The following ARID4B variants were observed in gnomAD, a reference collection of about 807,000 sequenced individuals.
The protein encoded by ARID4B is AT-rich interaction domain 4B, also known as AT-rich interactive domain-containing protein 4B.
ARID4B carries 26 observed loss-of-function variants against 147.5 expected under a neutral mutation model. The ratio of observed to expected loss-of-function variants is 0.18; its 90% CI spans 0.13 to 0.24. ARID4B has a LOEUF of 0.24. Among genes scored for constraint, ARID4B ranks in the 10% least tolerant of loss-of-function variants. The pLI is 1.00. For synonymous variants in ARID4B, 512 were observed against 507.9 expected (o/e 1.01, Z -0.11); for missense variants, 1,179 against 1,511.5 (o/e 0.78, Z 3.65).
At chr1:235,226,911 C>T (rs946647977) in intron 11 of ARID4B, among the ~76,000 whole-genome samples, 4 of 151,902 alleles carry the variant, frequency 2.6e-5, no homozygotes, top group African/African-American at 4.8e-5. Context: ...TCAGGTGATC[C>T]GCTAGCGTCA....
chr1:235,319,052 G>A (rs1001023290), intron 2 of ARID4B, among the ~76,000 whole-genome samples: 2 of 152,184 alleles, frequency 1.3e-5, no homozygotes, highest in East Asian at 1.9e-4. Context: ...TACTCAGGAA[G>A]TTGAGGGGGA....
chr1:235,272,036 G>T (rs1466952279), intron 2 of ARID4B, among the ~76,000 whole-genome samples: 1 of 152,064 alleles, frequency 6.6e-6, no homozygotes, highest in Non-Finnish European at 1.5e-5. Context: ...ATATGATTTT[G>T]AAAGACGTCA....
In ARID4B at chr1:235,194,052, T is replaced by C. The variant is rs1426836511; in HGVS notation, c.2086A>G (p.Lys696Glu). Reference sequence around the variant, plus strand: ...AGGATCGAAGTAATTTCTATGGACTTAATATGAGCAGTATCAGAGTTTTTG... The same window carrying C: ...AGGATCGAAGTAATTTCTATGGACTCAATATGAGCAGTATCAGAGTTTTTG... ...DAKNSDTAHIKSIEITSILNG... is the reference protein window; with the variant it reads ...DAKNSDTAHIESIEITSILNG... Residue 696 changes from lysine to glutamate, a missense_variant, in exon 19 of 24, where the codon AAG becomes GAG. By Grantham distance (56) the Lys-to-Glu change is moderately conservative. Coordinates refer to ENST00000264183, the MANE Select transcript of ARID4B (RefSeq NM_016374.6). 1 of 1,611,926 alleles carries C rather than the reference T, an allele frequency of 6.2e-7. No homozygotes were observed. The highest frequency in any genetic ancestry group is 1.7e-5 in the Admixed American group (1 of 59,982).
intron 19 of ARID4B, among the ~76,000 whole-genome samples, chr1:235,193,412 A>G (rs1665263007): frequency 6.6e-6 from 1 of 152,240 alleles, no homozygotes; most frequent in Non-Finnish European, 1.5e-5. Flanking sequence ...AACAGAGATC[A>G]TAATAGTCAT....
chr1:235,258,937 A>G (rs188321930), intron 3 of ARID4B, among the ~76,000 whole-genome samples: 31 of 152,352 alleles, frequency 2.0e-4, no homozygotes, highest in South Asian at 8.3e-4. Context: ...ATATCAACAA[A>G]TTTGTTAAAA....
chr1:235,308,350 G>A (rs891137676), intron 2 of ARID4B, among the ~76,000 whole-genome samples: 2 of 151,332 alleles, frequency 1.3e-5, no homozygotes, highest in Non-Finnish European at 2.9e-5. Context: ...CAAGTGATTC[G>A]CCCACCTTGG....
chr1:235,296,478 CTCTT>C (rs1477531643), intron 2 of ARID4B: 1 of 116,342 alleles, frequency 8.6e-6, no homozygotes, highest in Non-Finnish European at 1.9e-5. Context: ...ATTTATTCTT[CTCTT>C]TTTTTTTGAG....
intron 2 of ARID4B, among the ~76,000 whole-genome samples, chr1:235,323,005 A>G (rs1025911287): frequency 6.6e-6 from 1 of 152,068 alleles, no homozygotes; most frequent in Non-Finnish European, 1.5e-5. Context: ...GTACATCTGG[A>G]AAATTCAATC....
rs751317423 is a variant in ARID4B, at chr1:235,219,804, T to G, written c.1572A>C (p.Lys524Asn). 1 of 1,597,022 alleles carries G rather than the reference T, an allele frequency of 6.3e-7. No individual in the cohort carries two copies. The highest frequency in any genetic ancestry group is 2.2e-5 in the East Asian group (1 of 44,534). ...AACAATTTTCTTACCCAGATTTTGC[T>G]TTTTCTTCCTCAGCTTCTACCTTTA... ...LNIKVEAEEEKAKSGDETNKE... is the reference protein window; with the variant it reads ...LNIKVEAEEENAKSGDETNKE... The change falls in exon 16 of 24, where the codon AAA becomes AAC. Residue 524 changes from lysine to asparagine, a missense_variant. Lys to Asn is a moderately conservative substitution (Grantham distance 94). Around this residue, in one of 10 missense-constraint regions of ARID4B, gnomAD observed 204 missense variants for 210.9 expected, o/e 0.97. Coordinates refer to ENST00000264183, the MANE Select transcript of ARID4B (RefSeq NM_016374.6).
At chr1:235,203,663 A>G (rs1312058015) in intron 17 of ARID4B, among the ~76,000 whole-genome samples, 2 of 152,174 alleles carry the variant, frequency 1.3e-5, no homozygotes, top group Non-Finnish European at 2.9e-5. Context: ...ATAATCAAAA[A>G]AGTTAATGTA....
At chr1:235,325,481 C>T (rs540713494) in intron 2 of ARID4B, among the ~76,000 whole-genome samples, 147 of 152,244 alleles carry the variant, frequency 9.7e-4, no homozygotes, top group African/African-American at 3.2e-3. Context: ...ACAAGCACTA[C>T]AACACTGGGA....
chr1:235,196,004 T>TAGTG (rs758507060), intron 18 of ARID4B, 27 bp downstream of exon 18: 2 of 1,383,578 alleles, frequency 1.4e-6, no homozygotes, highest in Non-Finnish European at 2.0e-6. Context: ...TAAGAGCTAA[T>TAGTG]AGTGTGTAGT....
chr1:235,276,224 A>T (rs1215026963), intron 2 of ARID4B, among the ~76,000 whole-genome samples: 1 of 151,462 alleles, frequency 6.6e-6, no homozygotes, highest in Admixed American at 6.6e-5. Flanking sequence ...TTTTTTGAAA[A>T]GCTATTTGAG....
intron 23 of ARID4B, among the ~76,000 whole-genome samples, chr1:235,168,993 A>G (rs1266928175): frequency 6.6e-6 from 1 of 152,216 alleles, no homozygotes; most frequent in African/African-American, 2.4e-5. Flanking sequence ...TCAAAACAGG[A>G]AAAATCTGCA....
intron 2 of ARID4B, among the ~76,000 whole-genome samples, chr1:235,311,788 AAAC>A (rs2103279134): frequency 6.6e-6 from 1 of 151,830 alleles, no homozygotes; most frequent in East Asian, 1.9e-4. Context: ...ACAAAAAACA[AAAC>A]AAACAAACAA....
rs1236630622 is a variant in ARID4B, at chr1:235,326,927, C to G, written c.-8G>C. On this transcript the variant is annotated 5_prime_UTR_variant, in exon 2 of 24. Transcript: ENST00000264183. ...AGGCAATCTTACCTTCATGATGACT[C>G]TGGGACCAAGGTATCCTCTAAAACA... 2 of 1,614,072 alleles carry G rather than the reference C, an allele frequency of 1.2e-6. No homozygotes were observed. Among genetic ancestry groups the G allele is most frequent in the Admixed American group, 1.7e-5 (1 of 60,020 alleles).
At chr1:235,260,075 A>G (rs1670204921) in intron 3 of ARID4B, among the ~76,000 whole-genome samples, 1 of 152,198 alleles carries the variant, frequency 6.6e-6, no homozygotes, top group Admixed American at 6.5e-5. Context: ...AATGGAAGCA[A>G]TTACACTCCT....
At chr1:235,240,226 A>T in intron 8 of ARID4B, 87 bp downstream of exon 8, 1 of 1,183,760 alleles carries the variant, frequency 8.4e-7, no homozygotes. Flanking sequence ...CTCATTTTGT[A>T]CCTATGAAAA....
At chr1:235,216,535 G>A (rs186035723) in intron 16 of ARID4B, among the ~76,000 whole-genome samples, 14 of 152,066 alleles carry the variant, frequency 9.2e-5, no homozygotes, top group African/African-American at 3.4e-4. Flanking sequence ...TAGAGATGGG[G>A]TTTCACCATG....
Sources: gnomAD v4.1 joint callset for allele counts (sites outside exome capture counted in the v4.1 genomes callset) on GRCh38, gnomAD v4.1.1 for gene constraint, gnomAD v4.1.1 regional missense constraint, MANE v1.5 for transcripts, NCBI Gene and HGNC (gene_info 2026-07-23, HGNC 2026-07-21) for gene names.